LMAN1: variants seen among roughly 807,000 people sequenced by gnomAD.
LMAN1 encodes the protein lectin, mannose binding 1.
In LMAN1, 32 loss-of-function variants were observed where a neutral mutation model predicts 67.8. The ratio of observed to expected loss-of-function variants is 0.47; its 90% CI spans 0.36 to 0.63. LMAN1 has a LOEUF of 0.63. Ranked by LOEUF, LMAN1 falls within the 30% of genes least tolerant of loss-of-function variation. The pLI, the probability that LMAN1 is intolerant of heterozygous loss-of-function variation, is 0.00. For missense variants in LMAN1, 632 were observed against 628.2 expected (o/e 1.01, Z -0.06); for synonymous variants, 235 against 219.3 (o/e 1.07, Z -0.63).
At position 59,353,193 on chromosome 18, in the gene LMAN1, G is replaced by T; in HGVS notation, c.639+9C>A. ...TTTATTTGATTCTCTCTAAATAGAT[G>T]TTACTTACTGTCAGTGTGTTCTGGT... On this transcript the variant is annotated intron_variant, in intron 5 of 12. Transcript: ENST00000251047. 1 of 1,591,874 alleles carries T rather than the reference G, an allele frequency of 6.3e-7. No individual in the cohort carries two copies. Among genetic ancestry groups the T allele is most frequent in the Non-Finnish European group, 8.6e-7 (1 of 1,159,744 alleles).
intron 11 of LMAN1, 76 bp from the exon 12 acceptor site, chr18:59,331,615 T>C: frequency 1.3e-6 from 2 of 1,495,754 alleles, no homozygotes; most frequent in Non-Finnish European, 1.9e-6. Context: ...GAAATCTTTA[T>C]AAAACTGTTT....
Position 59,329,720 on chromosome 18 carries a change from A to G in LMAN1, c.*1373T>C, listed in dbSNP as rs1283340060. 1 of 152,178 alleles carries G rather than the reference A, an allele frequency of 6.6e-6. No individual in the cohort carries two copies. The highest frequency in any genetic ancestry group is 1.5e-5 in the Non-Finnish European group (1 of 68,010). 9.4% of individuals were successfully genotyped at this position (152,178 alleles called of 1,614,324 possible). A position where few individuals can be genotyped will look rare whatever the true frequency, so the allele number is the denominator to read the frequency against. ...CTTTATATATAGATTTTAGGTCGTT[A>G]GCCCAATCTGTAAATGACATTTGAG... On this transcript the variant is annotated 3_prime_UTR_variant, in exon 13 of 13. Transcript: ENST00000251047.
chr18:59,348,503 CCTT>C (rs1166300918), intron 6 of LMAN1, among the ~76,000 whole-genome samples: 4 of 152,142 alleles, frequency 2.6e-5, no homozygotes, highest in Non-Finnish European at 5.9e-5. Context: ...ATCTTCCCTC[CCTT>C]CTTCTCTGGG....
chr18:59,338,075 C>T (rs1044598281), intron 10 of LMAN1, among the ~76,000 whole-genome samples: 10 of 152,036 alleles, frequency 6.6e-5, no homozygotes, highest in Non-Finnish European at 1.3e-4. Context: ...TCTGTCCAGT[C>T]TCTCTGAGAG....
At chr18:59,353,090 A>G (rs529517563) in intron 5 of LMAN1, 112 bp downstream of exon 5, 7 of 906,014 alleles carry the variant, frequency 7.7e-6, no homozygotes, top group Non-Finnish European at 9.1e-6. Flanking sequence ...AACAATGAAG[A>G]GTATGTAAGC....
intron 8 of LMAN1, among the ~76,000 whole-genome samples, chr18:59,339,195 C>T (rs536082123): frequency 2.0e-5 from 3 of 152,036 alleles, no homozygotes; most frequent in Non-Finnish European, 2.9e-5. Flanking sequence ...TATTTAAAAA[C>T]AATTTTTCTT....
At chr18:59,357,544 C>A (rs1449114282) in intron 1 of LMAN1, among the ~76,000 whole-genome samples, 1 of 152,118 alleles carries the variant, frequency 6.6e-6, no homozygotes, top group South Asian at 2.1e-4. Context: ...AATAGAGATA[C>A]CTTGATAACA....
rs761035784 is a variant in LMAN1, at chr18:59,354,582, T to C, written c.478-2A>G. Reference sequence around the variant, plus strand: ...AATTACTATAGCAGGATTATTTTTCTAAAAAAAAGGAAAACATTTTAAAAA... The same window carrying C: ...AATTACTATAGCAGGATTATTTTTCCAAAAAAAAGGAAAACATTTTAAAAA... On this transcript the variant is annotated splice_acceptor_variant, in intron 3 of 12. Transcript: ENST00000251047. LOFTEE classifies it high-confidence loss of function. The C allele has an allele frequency of 1.4e-6, 2 of 1,382,858 alleles. No homozygotes were observed. Among genetic ancestry groups the C allele is most frequent in the Non-Finnish European group, 2.1e-6 (2 of 974,174 alleles). 85.7% of individuals were successfully genotyped at this position (1,382,858 alleles called of 1,614,324 possible).
intron 11 of LMAN1, 83 bp downstream of exon 11, chr18:59,333,008 A>G (rs1306705131): frequency 4.4e-6 from 5 of 1,145,260 alleles, no homozygotes; most frequent in Non-Finnish European, 6.5e-6. Flanking sequence ...GCATTAACTA[A>G]AGGGTTAAAA....
intron 1 of LMAN1, among the ~76,000 whole-genome samples, chr18:59,356,153 G>A (rs1908656606): frequency 6.6e-6 from 1 of 152,146 alleles, no homozygotes; most frequent in South Asian, 2.1e-4. Flanking sequence ...AAATGAAGGA[G>A]CTAGGCTCGA....
chr18:59,336,990 T>A (rs559508229), intron 10 of LMAN1, among the ~76,000 whole-genome samples: 168 of 151,824 alleles, frequency 1.1e-3, no homozygotes, highest in African/African-American at 3.8e-3. Flanking sequence ...GATGCTAAAA[T>A]GAATGAGCAG....
At position 59,331,041 on chromosome 18, in the gene LMAN1, A is replaced by C; in HGVS notation, c.*52T>G. On this transcript the variant is annotated 3_prime_UTR_variant, in exon 13 of 13. Transcript: ENST00000251047. Reference sequence around the variant, plus strand: ...GCAATTTAAATACTTAAATTCCCTCAAAACGACATCATTTTGTACACAAAT... The same window carrying C: ...GCAATTTAAATACTTAAATTCCCTCCAAACGACATCATTTTGTACACAAAT... 7.7e-7 allele frequency: 1 copy of C among 1,303,944 alleles called. No individual in the cohort carries two copies. The highest frequency in any genetic ancestry group is 1.8e-5 in the Admixed American group (1 of 56,800). The allele number at this position is 1,303,944 out of a possible 1,614,324, so 80.8% of individuals were successfully genotyped here. A position where few individuals can be genotyped will look rare whatever the true frequency, so the allele number is the denominator to read the frequency against.
intron 8 of LMAN1, among the ~76,000 whole-genome samples, chr18:59,341,918 A>C (rs2144218491): frequency 6.6e-6 from 1 of 152,258 alleles, no homozygotes; most frequent in African/African-American, 2.4e-5. Context: ...AGATAAACAA[A>C]ATTGATAAAC....
At chr18:59,332,567 G>T (rs542916782) in intron 11 of LMAN1, among the ~76,000 whole-genome samples, 1 of 152,010 alleles carries the variant, frequency 6.6e-6, no homozygotes, top group Non-Finnish European at 1.5e-5. Context: ...AAGATAAAAC[G>T]CGATATAAAA....
At chr18:59,353,584 T>A (rs1389748495) in intron 4 of LMAN1, among the ~76,000 whole-genome samples, 1 of 152,096 alleles carries the variant, frequency 6.6e-6, no homozygotes, top group Non-Finnish European at 1.5e-5. Flanking sequence ...AATAGCTCCA[T>A]AGGGAGTTAT....
At chr18:59,336,248 C>T (rs1341653784) in intron 10 of LMAN1, among the ~76,000 whole-genome samples, 3 of 152,082 alleles carry the variant, frequency 2.0e-5, no homozygotes, top group Non-Finnish European at 4.4e-5. Context: ...TTTTCAAATA[C>T]CTTTCTCAAG....
chr18:59,348,391 G>A (rs1002694372), intron 6 of LMAN1, among the ~76,000 whole-genome samples: 1 of 152,192 alleles, frequency 6.6e-6, no homozygotes, highest in Non-Finnish European at 1.5e-5. Flanking sequence ...CAGAAATCCA[G>A]GCCGAGTCCT....
At chr18:59,336,082 G>T (rs1326963962) in intron 10 of LMAN1, among the ~76,000 whole-genome samples, 1 of 152,172 alleles carries the variant, frequency 6.6e-6, no homozygotes, top group Admixed American at 6.5e-5. Context: ...TAATCTCATG[G>T]TTTAACACAA....
At chr18:59,351,706 G>C (rs1908546726) in intron 5 of LMAN1, 1 of 152,222 alleles carries the variant, frequency 6.6e-6, no homozygotes, top group Non-Finnish European at 1.5e-5. Context: ...CAAGGCTATT[G>C]TTTTGGAGTG....
Sources: gnomAD v4.1 joint callset for allele counts (sites outside exome capture counted in the v4.1 genomes callset) on GRCh38, gnomAD v4.1.1 for gene constraint, MANE v1.5 for transcripts, NCBI Gene and HGNC (gene_info 2026-07-23, HGNC 2026-07-21) for gene names.